Variants in KCNIP4 observed in about 807,000 individuals in gnomAD.
The protein encoded by KCNIP4 is potassium voltage-gated channel interacting protein 4, also known as Kv channel-interacting protein 4.
KCNIP4 carries 12 observed loss-of-function variants against 34.0 expected under a neutral mutation model. That is an observed-to-expected ratio of 0.35 (90% CI 0.23 to 0.57). KCNIP4 has a LOEUF of 0.57. KCNIP4 is among the 20% of genes least tolerant of loss of function. The pLI is 0.83. For missense variants in KCNIP4, 238 were observed against 311.7 expected (o/e 0.76, Z 1.78); for synonymous variants, 124 against 102.2 (o/e 1.21, Z -1.29).
intron 1 of KCNIP4, among the ~76,000 whole-genome samples, chr4:20,887,113 A>G (rs980581386): frequency 5.9e-5 from 9 of 152,070 alleles, no homozygotes; most frequent in African/African-American, 1.7e-4. Context: ...AGAAAATTCT[A>G]AAAGGAAAAC....
chr4:21,728,102 AT>A (rs1224375763), intron 1 of KCNIP4, among the ~76,000 whole-genome samples: 8 of 152,152 alleles, frequency 5.3e-5, no homozygotes, highest in Admixed American at 5.2e-4. Context: ...TTTCCAGGTA[AT>A]TCCATCTCAG....
At chr4:21,227,603 T>C (rs1758494367) in intron 1 of KCNIP4, among the ~76,000 whole-genome samples, 1 of 152,190 alleles carries the variant, frequency 6.6e-6, no homozygotes. Flanking sequence ...TCTGTTCATT[T>C]ATCTTAAGTT....
intron 1 of KCNIP4, among the ~76,000 whole-genome samples, chr4:21,467,078 ACACAC>A (rs1730029515): frequency 5.4e-5 from 3 of 55,066 alleles, no homozygotes; most frequent in African/African-American, 1.8e-4. Context: ...AAACAAACAC[ACACAC>A]ACACACACAC....
chr4:21,898,953 G>C (rs1300220013), intron 1 of KCNIP4, among the ~76,000 whole-genome samples: 1 of 152,140 alleles, frequency 6.6e-6, no homozygotes, highest in Non-Finnish European at 1.5e-5. Context: ...ACCCCACCAT[G>C]AGCTGATGGT....
intron 1 of KCNIP4, among the ~76,000 whole-genome samples, chr4:21,238,684 C>A (rs1421292680): frequency 6.6e-6 from 1 of 152,066 alleles, no homozygotes; most frequent in African/African-American, 2.4e-5. Flanking sequence ...ATGTGAAGAA[C>A]CTCTTCAAGG....
Position 20,729,909 on chromosome 4 carries a change from T to C in KCNIP4, c.*173A>G, listed in dbSNP as rs537263357. ...GTGGCATTATGAAAAGGATGCAAAT[T>C]TATAACTGAAAGCTCAAATCTTTTG... On this transcript the variant is annotated 3_prime_UTR_variant, in exon 9 of 9. Transcript: ENST00000382152. 3.6e-5 allele frequency: 24 copies of C among 660,136 alleles called. No individual in the cohort carries two copies. The African/African-American group carries it at 4.5e-4, about 12-fold the overall frequency. 40.9% of individuals were successfully genotyped at this position (660,136 alleles called of 1,614,324 possible). A position where few individuals can be genotyped will look rare whatever the true frequency, so the allele number is the denominator to read the frequency against.
intron 1 of KCNIP4, among the ~76,000 whole-genome samples, chr4:20,961,880 T>C (rs1733884018): frequency 6.6e-6 from 1 of 152,216 alleles, no homozygotes; most frequent in African/African-American, 2.4e-5. Context: ...GAGTTTATAA[T>C]GAACAATGCT....
chr4:21,134,254 C>T (rs1037141108), intron 1 of KCNIP4, among the ~76,000 whole-genome samples: 32 of 152,054 alleles, frequency 2.1e-4, no homozygotes, highest in Admixed American at 1.4e-3. Flanking sequence ...ATGAAGATGA[C>T]GAAGATGAAG....
chr4:21,828,963 A>G (rs937530030), intron 1 of KCNIP4, among the ~76,000 whole-genome samples: 1 of 152,006 alleles, frequency 6.6e-6, no homozygotes, highest in Non-Finnish European at 1.5e-5. Flanking sequence ...AAAAATACAT[A>G]TAGGGGAAAA....
At chr4:21,264,946 A>G (rs1227846823) in intron 1 of KCNIP4, among the ~76,000 whole-genome samples, 1 of 151,890 alleles carries the variant, frequency 6.6e-6, no homozygotes, top group African/African-American at 2.4e-5. Flanking sequence ...TAAAAATAAA[A>G]CACTTAGCCA....
At chr4:21,212,882 T>C (rs916279220) in intron 1 of KCNIP4, among the ~76,000 whole-genome samples, 1 of 152,130 alleles carries the variant, frequency 6.6e-6, no homozygotes, top group Non-Finnish European at 1.5e-5. Flanking sequence ...TATCTAAAAA[T>C]CTTTCTCTTG....
At chr4:21,667,840 G>C (rs115647478) in intron 1 of KCNIP4, among the ~76,000 whole-genome samples, 1 of 152,210 alleles carries the variant, frequency 6.6e-6, no homozygotes, top group Non-Finnish European at 1.5e-5. Context: ...GAAGTTCTAC[G>C]GTGGGACAGG....
At chr4:21,855,348 C>T (rs537084080) in intron 1 of KCNIP4, among the ~76,000 whole-genome samples, 1 of 152,356 alleles carries the variant, frequency 6.6e-6, no homozygotes, top group East Asian at 1.9e-4. Context: ...TACAAAATCA[C>T]TCTGGCATTC....
At chr4:20,742,475 T>C (rs1260548031) in intron 5 of KCNIP4, among the ~76,000 whole-genome samples, 2 of 152,140 alleles carry the variant, frequency 1.3e-5, no homozygotes, top group African/African-American at 4.8e-5. Context: ...ACCACATGAT[T>C]ATCTCAACAG....
intron 1 of KCNIP4, among the ~76,000 whole-genome samples, chr4:21,655,197 G>T (rs1210230102): frequency 6.6e-6 from 1 of 152,046 alleles, no homozygotes; most frequent in African/African-American, 2.4e-5. Flanking sequence ...TTTGCATAAT[G>T]AAATTCCACA....
intron 1 of KCNIP4, chr4:21,843,330 A>T (rs2109323525): frequency 6.6e-6 from 1 of 152,144 alleles, no homozygotes; most frequent in South Asian, 2.1e-4. Context: ...TGATATTTTC[A>T]TTTCCATTTT....
chr4:21,341,477 C>T (rs1026222362), intron 1 of KCNIP4, among the ~76,000 whole-genome samples: 1 of 152,006 alleles, frequency 6.6e-6, no homozygotes, highest in Non-Finnish European at 1.5e-5. Context: ...TATCTTTATG[C>T]AAAAGTGTCT....
At chr4:20,893,389 GC>G (rs199842497) in intron 1 of KCNIP4, among the ~76,000 whole-genome samples, 143 of 152,110 alleles carry the variant, frequency 9.4e-4, no homozygotes, top group African/African-American at 2.9e-3. Flanking sequence ...TGTTTGTAAG[GC>G]TTCGGAAAAG....
chr4:21,353,662 C>G (rs2109383150), intron 1 of KCNIP4, among the ~76,000 whole-genome samples: 1 of 152,182 alleles, frequency 6.6e-6, no homozygotes, highest in East Asian at 1.9e-4. Flanking sequence ...AAGACCAAAT[C>G]TACATTTGAT....
Sources: gnomAD v4.1 joint callset for allele counts (sites outside exome capture counted in the v4.1 genomes callset) on GRCh38, gnomAD v4.1.1 for gene constraint, MANE v1.5 for transcripts, NCBI Gene and HGNC (gene_info 2026-07-23, HGNC 2026-07-21) for gene names.